Variants in BAHCC1 observed in about 807,000 individuals in gnomAD.
The protein encoded by BAHCC1 is BAH and coiled-coil domain-containing protein 1.
BAHCC1 carries 43 observed loss-of-function variants against 88.2 expected under a neutral mutation model. The observed-to-expected ratio is 0.49, with a 90% CI of 0.38 to 0.63. The LOEUF (loss-of-function observed/expected upper bound fraction) is 0.63, where lower values mean the gene tolerates loss of function less well. Among genes scored for constraint, BAHCC1 ranks in the 20% least tolerant of loss-of-function variants. BAHCC1 has a pLI of 0.00. For synonymous variants in BAHCC1, 1,510 were observed against 745.5 expected (o/e 2.03, Z -16.71); for missense variants, 3,023 against 1,654.8 (o/e 1.83, Z -14.34).
chr17:81,449,676 A>AC (rs879947073), intron 11 of BAHCC1, among the ~76,000 whole-genome samples: 20 of 125,516 alleles, frequency 1.6e-4, no homozygotes, highest in Middle Eastern at 4.0e-3. Flanking sequence ...TGCTCAGCCC[A>AC]CCCCCCCTCG....
chr17:81,463,176 G>C (rs1268124787), intron 27 of BAHCC1, among the ~76,000 whole-genome samples, 200 bp downstream of exon 27: 2 of 152,278 alleles, frequency 1.3e-5, no homozygotes, highest in South Asian at 2.1e-4. Flanking sequence ...TCCCCACAGT[G>C]GGGGGCTGTG....
At position 81,446,526 on chromosome 17, in the gene BAHCC1, C is replaced by CTTTTT. The variant is rs869297780; in HGVS notation, c.3164-476_3164-472dup. Reference sequence around the variant, plus strand: ...GGGCCTGGCCTCAGGCTGCTCACACCTTTTTTTTTTTTTTTTTTTTTTTTT... The same window carrying CTTTTT: ...GGGCCTGGCCTCAGGCTGCTCACACCTTTTTTTTTTTTTTTTTTTTTTTTTTTTTT... On this transcript the variant is annotated intron_variant, in intron 10 of 27. Coordinates refer to ENST00000675386, the MANE Select transcript of BAHCC1 (RefSeq NM_001377448.1). Among the ~76,000 whole-genome samples the CTTTTT allele has an allele frequency of 9.1e-4, 45 of 49,222 alleles. 13 individuals carry two copies. The highest frequency in any genetic ancestry group is 0.034 in the Middle Eastern group (2 of 58). The allele number at this position is 49,222 out of a possible 152,430, so 32.3% of individuals were successfully genotyped here.
intron 10 of BAHCC1, 91 bp from the exon 11 acceptor site, chr17:81,446,945 G>A (rs2064539881): frequency 6.8e-6 from 5 of 738,030 alleles, no homozygotes; most frequent in Non-Finnish European, 1.2e-5. Flanking sequence ...GCTTGGGTCT[G>A]AGGGTTCGAG....
At chr17:81,446,778 C>T in intron 10 of BAHCC1, 1 of 657,386 alleles carries the variant, frequency 1.5e-6, no homozygotes. Context: ...GTCTCGAATT[C>T]CTGGCCTCAA....
At chr17:81,459,681 GC>G (rs2030071238) in intron 23 of BAHCC1, 77 bp downstream of exon 23, 1 of 762,326 alleles carries the variant, frequency 1.3e-6, no homozygotes, top group Admixed American at 1.8e-5. Flanking sequence ...CAACAGCCTG[GC>G]TTCCGAGGCT....
intron 2 of BAHCC1, among the ~76,000 whole-genome samples, chr17:81,418,812 T>TGTGTGTAC (rs2064075005): frequency 1.5e-4 from 1 of 6,542 alleles, no homozygotes. Context: ...TGTGTGTACG[T>TGTGTGTAC]GTGTGTGTGT....
At position 81,399,875 on chromosome 17, in the gene BAHCC1, G is replaced by C; in HGVS notation, c.136G>C (p.Gly46Arg). Residue 46 changes from glycine to arginine, a missense_variant, in exon 2 of 28, where the codon GGA (glycine) becomes CGA (arginine). Coordinates refer to ENST00000675386, the MANE Select transcript of BAHCC1 (RefSeq NM_001377448.1). The surrounding 1 kb of genome is among the most constrained non-coding windows in gnomAD (Gnocchi z 4.5). ...AAQPPAHFQPGKYFPSPLPMA... is the reference protein window; with the variant it reads ...AAQPPAHFQPRKYFPSPLPMA... ...GCAGCCCCCCGCACACTTCCAGCCG[G>C]GAAAGTACTTCCCGTCGCCGTTGCC... is the stretch of plus-strand genomic sequence containing the variant. 1 of 1,451,318 alleles carries C rather than the reference G, an allele frequency of 6.9e-7. No individual in the cohort carries two copies. Among genetic ancestry groups the C allele is most frequent in the Non-Finnish European group, 9.1e-7 (1 of 1,100,376 alleles). 89.9% of individuals were successfully genotyped at this position (1,451,318 alleles called of 1,614,324 possible).
chr17:81,464,296 ATG>A lies in BAHCC1; in HGVS notation c.*486_*487del, dbSNP rs781977301. 68 of 226,256 alleles carry A rather than the reference ATG, an allele frequency of 3.0e-4. No homozygotes were observed. The highest frequency in any genetic ancestry group is 4.5e-4 in the Non-Finnish European group (50 of 112,312). 14.0% of individuals were successfully genotyped at this position (226,256 alleles called of 1,614,324 possible). A position where few individuals can be genotyped will look rare whatever the true frequency, so the allele number is the denominator to read the frequency against. On this transcript the variant is annotated 3_prime_UTR_variant, in exon 28 of 28. Coordinates refer to ENST00000675386, the MANE Select transcript of BAHCC1 (RefSeq NM_001377448.1). ...CGTGACAAGGTGTGTGTGAGCGTGT[ATG>A]TGTGTGCGCGTGTGTGGCGATTTTT...
At chr17:81,418,228 A>G (rs2064060038) in intron 2 of BAHCC1, among the ~76,000 whole-genome samples, 1 of 152,180 alleles carries the variant, frequency 6.6e-6, no homozygotes, top group African/African-American at 2.4e-5. Flanking sequence ...GAATCTGGAC[A>G]GTTTGCGGGC....
At chr17:81,407,399 C>T (rs990471189) in intron 2 of BAHCC1, 2 of 520,050 alleles carry the variant, frequency 3.8e-6, no homozygotes, top group South Asian at 1.4e-5. Context: ...GACTCCCTCT[C>T]TCTCCGGTCC....
Position 81,461,047 on chromosome 17 carries a change from C to T in BAHCC1, c.6384C>T (p.Ser2128=), listed in dbSNP as rs1325604664. Residue 2128 remains serine (S), a synonymous_variant, in exon 26 of 28, where the codon AGC becomes AGT. Coordinates refer to ENST00000675386, the MANE Select transcript of BAHCC1 (RefSeq NM_001377448.1). Reference sequence around the variant, plus strand: ...AGAACCTCTTCCAGCTCAACGGCAGCAGCAAGAAGCTGCGGGCCCGCGAGG... The same window carrying T: ...AGAACCTCTTCCAGCTCAACGGCAGTAGCAAGAAGCTGCGGGCCCGCGAGG... The part of the protein sequence containing the change: ...VLQNLFQLNG[S]SKKLRAREAL... The T allele has an allele frequency of 5.2e-6, 4 of 772,144 alleles. No homozygotes were observed. The East Asian group carries it at 7.3e-5, about 14-fold the overall frequency. The allele number at this position is 772,144 out of a possible 1,614,324, so 47.8% of individuals were successfully genotyped here.
At chr17:81,403,628 G>GA (rs1555646424) in intron 2 of BAHCC1, among the ~76,000 whole-genome samples, 2 of 151,882 alleles carry the variant, frequency 1.3e-5, no homozygotes, top group Admixed American at 1.3e-4. Flanking sequence ...TTTTTGTAAA[G>GA]AAAAAAATAC....
chr17:81,417,397 G>A (rs531069174), intron 2 of BAHCC1, among the ~76,000 whole-genome samples: 7 of 152,230 alleles, frequency 4.6e-5, no homozygotes, highest in African/African-American at 1.7e-4. Context: ...CCAGGAGAGC[G>A]GGTGAGAGAC....
rs781950149 is a variant in BAHCC1 at position 81,446,287 on chromosome 17, C to CT, written c.3163+614dup. ...GTTTTTTTCCCTTCGTTTTTTTTTT[C>CT]TTTTTTTTGCAGTTAATGGGACATG... On this transcript the variant is annotated intron_variant, in intron 10 of 27. Coordinates refer to ENST00000675386, the MANE Select transcript of BAHCC1 (RefSeq NM_001377448.1). 2.1e-3 allele frequency among the ~76,000 whole-genome samples: 309 copies of CT among 147,122 alleles called. 2 individuals carry two copies. Among genetic ancestry groups the CT allele is most frequent in the African/African-American group, 6.3e-3 (254 of 40,082 alleles).
intron 3 of BAHCC1, among the ~76,000 whole-genome samples, chr17:81,427,305 T>G: frequency 6.6e-6 from 1 of 152,152 alleles, no homozygotes; most frequent in South Asian, 2.1e-4. Context: ...CGGGCTGGGC[T>G]CACCCTCACA....
intron 17 of BAHCC1, 49 bp downstream of exon 17, chr17:81,457,641 A>G (rs1347086302): frequency 3.2e-6 from 2 of 618,590 alleles, no homozygotes; most frequent in Non-Finnish European, 6.0e-6. Context: ...GAGGGAGGGC[A>G]GGGATTGCTA....
intron 14 of BAHCC1, among the ~76,000 whole-genome samples, chr17:81,455,027 T>C (rs1289057199): frequency 1.3e-5 from 2 of 152,048 alleles, no homozygotes; most frequent in African/African-American, 2.4e-5. Flanking sequence ...GATTTGAGGA[T>C]ATAGGGACTG....
rs56303570 is a variant in BAHCC1, at chr17:81,419,810, T to TA, written c.179-6989dup. 5.3e-5 allele frequency among the ~76,000 whole-genome samples: 8 copies of TA among 150,344 alleles called. No individual in the cohort carries two copies. The East Asian group carries it at 7.8e-4, about 15-fold the overall frequency. On this transcript the variant is annotated intron_variant, in intron 2 of 27. Transcript: ENST00000675386. ...AGGCGTTTTTTTTTTTTTTTTTTTT[T>TA]ACAACCCATTTCACAGTTTCCAGAA...
At position 81,445,186 on chromosome 17, in the gene BAHCC1, C is replaced by T. The variant is rs1326258339; in HGVS notation, c.2835+8C>T. On this transcript the variant is annotated splice_region_variant and intron_variant, in intron 9 of 27. Transcript: ENST00000675386. ...AGGGCCGCCCAGTTCCAGGTACCGC[C>T]CCTAGCCACGCTCACCTGGGCCGGG... 3.9e-6 allele frequency: 3 copies of T among 761,504 alleles called. No homozygotes were observed. The highest frequency in any genetic ancestry group is 7.3e-6 in the Non-Finnish European group (3 of 410,052). The allele number at this position is 761,504 out of a possible 1,614,324, so 47.2% of individuals were successfully genotyped here.
Sources: gnomAD v4.1 joint callset for allele counts (sites outside exome capture counted in the v4.1 genomes callset) on GRCh38, gnomAD v4.1.1 for gene constraint, Gnocchi (gnomAD v3.1) non-coding constraint, MANE v1.5 for transcripts, NCBI Gene and HGNC (gene_info 2026-07-23, HGNC 2026-07-21) for gene names.